The following PDE4D variants were observed in gnomAD, a reference collection of about 807,000 sequenced individuals.
PDE4D encodes the protein 3',5'-cyclic-AMP phosphodiesterase 4D.
Under a neutral mutation model 87.4 loss-of-function variants are expected in PDE4D, and 24 were observed. That is an observed-to-expected ratio of 0.27 (90% confidence interval 0.20 to 0.39). The LOEUF is 0.39. PDE4D is among the 10% of genes least tolerant of loss of function. The pLI, the probability that PDE4D is intolerant of heterozygous loss-of-function variation, is 1.00. For synonymous variants in PDE4D, 384 were observed against 383.2 expected (o/e 1.00, Z -0.02); for missense variants, 714 against 1,041.0 (o/e 0.69, Z 4.32).
rs75469825 is a variant in PDE4D, at chr5:59,830,301, T to C, written c.455+62867A>G. ...TTACCATTAGGGATATAAGGATTAA[T>C]ACCGCTTGAGTTTTTTTCTAATGTC... On this transcript the variant is annotated intron_variant, in intron 1 of 14. Coordinates refer to ENST00000340635, the MANE Select transcript of PDE4D (RefSeq NM_001104631.2). Among the ~76,000 whole-genome samples, 747 of 149,096 alleles carry C rather than the reference T, an allele frequency of 5.0e-3. 4 individuals carry two copies. The highest frequency in any genetic ancestry group is 8.7e-3 in the Non-Finnish European group (574 of 65,974).
chr5:59,173,509 T>C (rs1783346028), intron 5 of PDE4D, among the ~76,000 whole-genome samples: 3 of 152,240 alleles, frequency 2.0e-5, no homozygotes, highest in African/African-American at 2.4e-5. Context: ...TGAGGATTTT[T>C]GTAAAAGTAA....
At chr5:58,982,825 C>A (rs7713069) in intron 11 of PDE4D, among the ~76,000 whole-genome samples, 3 of 152,178 alleles carry the variant, frequency 2.0e-5, no homozygotes, top group Admixed American at 6.5e-5. Context: ...GCTAGGGAAC[C>A]AAGTTGACTA....
chr5:59,791,526 C>T (rs1765788854), intron 1 of PDE4D, among the ~76,000 whole-genome samples: 1 of 152,198 alleles, frequency 6.6e-6, no homozygotes, highest in South Asian at 2.1e-4. Context: ...AGCACACCCT[C>T]AACTCGTATT....
chr5:59,078,844 C>G (rs1766163370), intron 5 of PDE4D, among the ~76,000 whole-genome samples: 1 of 152,114 alleles, frequency 6.6e-6, no homozygotes, highest in Admixed American at 6.6e-5. Flanking sequence ...GGTGTTAGGT[C>G]ATGTGAGCTT....
chr5:60,359,084 G>A (rs1387558681), intron 1 of PDE4D, among the ~76,000 whole-genome samples: 1 of 152,138 alleles, frequency 6.6e-6, no homozygotes, highest in East Asian at 1.9e-4. Context: ...GAATATATGT[G>A]GTCTTCCATA....
chr5:59,128,176 A>G (rs975961065), intron 5 of PDE4D, among the ~76,000 whole-genome samples: 2 of 152,018 alleles, frequency 1.3e-5, no homozygotes, highest in Non-Finnish European at 2.9e-5. Context: ...CCTCTTGTGT[A>G]AGTGCTCCTA....
chr5:59,570,935 A>C (rs1401216510), intron 1 of PDE4D, among the ~76,000 whole-genome samples: 1 of 152,196 alleles, frequency 6.6e-6, no homozygotes, highest in Admixed American at 6.5e-5. Context: ...AAATACATTA[A>C]ATATCTAATA....
chr5:60,501,152 T>TC (rs1348092549), intron 1 of PDE4D, among the ~76,000 whole-genome samples: 2 of 152,140 alleles, frequency 1.3e-5, no homozygotes, highest in Admixed American at 6.5e-5. Context: ...CCTCCCCGCT[T>TC]CCCCCACCCC....
intron 3 of PDE4D, among the ~76,000 whole-genome samples, chr5:59,942,770 G>T (rs1757319498): frequency 6.7e-6 from 1 of 149,670 alleles, no homozygotes; most frequent in South Asian, 2.1e-4. Context: ...AATATAGCTA[G>T]AGAGAATAGG....
At chr5:60,345,663 C>G (rs1394201145) in intron 1 of PDE4D, among the ~76,000 whole-genome samples, 1 of 151,638 alleles carries the variant, frequency 6.6e-6, no homozygotes, top group Non-Finnish European at 1.5e-5. Flanking sequence ...AAAACTATAG[C>G]AAATGAACCT....
chr5:59,951,499 T>C (rs989616685), intron 3 of PDE4D, among the ~76,000 whole-genome samples: 1 of 152,216 alleles, frequency 6.6e-6, no homozygotes, highest in Admixed American at 6.5e-5. Flanking sequence ...ACAATAAAGA[T>C]CATTTCATTT....
At chr5:60,356,600 C>A (rs1025350592) in intron 1 of PDE4D, among the ~76,000 whole-genome samples, 1 of 152,120 alleles carries the variant, frequency 6.6e-6, no homozygotes, top group Admixed American at 6.6e-5. Context: ...CAACCTTCTT[C>A]TAATTTATTT....
chr5:59,287,593 T>C (rs1039481783), intron 1 of PDE4D, among the ~76,000 whole-genome samples: 5 of 152,066 alleles, frequency 3.3e-5, no homozygotes, highest in African/African-American at 1.2e-4. Flanking sequence ...CAGTGGTTAC[T>C]GCAGGCTTTG....
intron 1 of PDE4D, among the ~76,000 whole-genome samples, chr5:59,874,783 T>C (rs1313587871): frequency 6.6e-6 from 1 of 152,186 alleles, no homozygotes; most frequent in Non-Finnish European, 1.5e-5. Context: ...CCCTCCTCCC[T>C]TTCATATAGA....
chr5:59,016,374 A>G (rs1580312630), intron 6 of PDE4D, among the ~76,000 whole-genome samples: 1 of 133,474 alleles, frequency 7.5e-6, no homozygotes, highest in African/African-American at 2.8e-5. Context: ...TCTGAGCCCT[A>G]GATTATCAGT....
intron 2 of PDE4D, among the ~76,000 whole-genome samples, chr5:60,005,617 A>G (rs944902089): frequency 2.0e-5 from 3 of 152,000 alleles, no homozygotes; most frequent in Non-Finnish European, 4.4e-5. Flanking sequence ...AATATATACA[A>G]TTTTTATTTA....
At position 59,248,031 on chromosome 5, in the gene PDE4D, G is replaced by GT. The variant is rs200996874; in HGVS notation, c.456-32064dup. Among the ~76,000 whole-genome samples the GT allele has an allele frequency of 7.4e-4, 61 of 82,664 alleles. No individual in the cohort carries two copies. The East Asian group carries it at 0.02, about 27-fold the overall frequency. The allele number at this position is 82,664 out of a possible 152,430, so 54.2% of individuals were successfully genotyped here. On this transcript the variant is annotated intron_variant, in intron 1 of 14. Coordinates refer to ENST00000340635, the MANE Select transcript of PDE4D (RefSeq NM_001104631.2). The stretch of plus-strand genomic sequence containing the variant: ...GTGATTACCAATTTTATTGGATACC[G>GT]TATCTATTAGTAAAAAAAAAAAAAA...
At chr5:59,924,549 C>A in intron 3 of PDE4D, among the ~76,000 whole-genome samples, 1 of 138,388 alleles carries the variant, frequency 7.2e-6, no homozygotes. Flanking sequence ...AGTGGTATGA[C>A]ATACACAAAG....
chr5:60,253,778 C>T (rs1748742305), intron 1 of PDE4D, among the ~76,000 whole-genome samples: 1 of 151,844 alleles, frequency 6.6e-6, no homozygotes, highest in African/African-American at 2.4e-5. Flanking sequence ...TCAAAAGGAG[C>T]TAAATGTCTT....
Sources: gnomAD v4.1 joint callset for allele counts (sites outside exome capture counted in the v4.1 genomes callset) on GRCh38, gnomAD v4.1.1 for gene constraint, MANE v1.5 for transcripts, NCBI Gene and HGNC (gene_info 2026-07-23, HGNC 2026-07-21) for gene names.